The following HYCC1 variants were observed in gnomAD, a reference collection of about 807,000 sequenced individuals.
HYCC1 encodes hyccin.
chr7:22,949,844 C>T, the HYCC1 span, among the ~76,000 whole-genome samples: 13 of 151,962 alleles, frequency 8.6e-5, no homozygotes, highest in African/African-American at 2.9e-4. Flanking sequence ...ATGTGTTTTC[C>T]CACAAGCATA....
At chr7:22,957,329 G>A in the HYCC1 span, among the ~76,000 whole-genome samples, 2 of 148,426 alleles carry the variant, frequency 1.3e-5, no homozygotes, top group Non-Finnish European at 3.0e-5. Context: ...AAAAAGGAAA[G>A]TTTTACTTGG....
At chr7:22,995,858 G>A in the HYCC1 span, among the ~76,000 whole-genome samples, 43 of 152,076 alleles carry the variant, frequency 2.8e-4, no homozygotes, top group Non-Finnish European at 3.5e-4. Flanking sequence ...TGGTGAAACC[G>A]GGCAAGCACT....
the HYCC1 span, among the ~76,000 whole-genome samples, chr7:22,983,485 T>C: frequency 6.6e-6 from 1 of 152,196 alleles, no homozygotes; most frequent in Admixed American, 6.5e-5. Flanking sequence ...CCCCACTGCA[T>C]GGAATATTCT....
chr7:22,914,273 C>A, the HYCC1 span, among the ~76,000 whole-genome samples: 1 of 152,196 alleles, frequency 6.6e-6, no homozygotes, highest in South Asian at 2.1e-4. Flanking sequence ...CGGGGACGCC[C>A]GCTTTGGCTG....
At chr7:22,968,911 AG>A in the HYCC1 span, among the ~76,000 whole-genome samples, 2 of 152,036 alleles carry the variant, frequency 1.3e-5, no homozygotes, top group Admixed American at 1.3e-4. Flanking sequence ...GCTTGAACCC[AG>A]GAGGCGGAGG....
At chr7:22,909,566 G>A in the HYCC1 span, among the ~76,000 whole-genome samples, 1 of 152,104 alleles carries the variant, frequency 6.6e-6, no homozygotes, top group Non-Finnish European at 1.5e-5. Flanking sequence ...AACCATAAGC[G>A]TGACTGCTTC....
the HYCC1 span, among the ~76,000 whole-genome samples, chr7:22,932,492 TC>T: frequency 1.3e-5 from 2 of 152,168 alleles, no homozygotes; most frequent in Non-Finnish European, 2.9e-5. Context: ...TGGAAATATC[TC>T]TCTTATGTTT....
At chr7:22,945,784 G>C in the HYCC1 span, 1 of 1,613,728 alleles carries the variant, frequency 6.2e-7, no homozygotes, top group Non-Finnish European at 8.5e-7. Context: ...TGACACCACT[G>C]ACTTGTTCAA....
the HYCC1 span, among the ~76,000 whole-genome samples, chr7:22,895,877 T>G: frequency 6.6e-6 from 1 of 152,226 alleles, no homozygotes; most frequent in Non-Finnish European, 1.5e-5. Flanking sequence ...ATGATTTCCT[T>G]ATGTTGTACA....
chr7:22,906,033 CAT>C, the HYCC1 span, among the ~76,000 whole-genome samples: 1 of 152,104 alleles, frequency 6.6e-6, no homozygotes, highest in Non-Finnish European at 1.5e-5. Context: ...GTAAGACTAT[CAT>C]ACAGTGCCAT....
the HYCC1 span, among the ~76,000 whole-genome samples, chr7:22,979,006 C>G: frequency 6.6e-6 from 1 of 152,078 alleles, no homozygotes; most frequent in Admixed American, 6.6e-5. Context: ...AAAGCATATA[C>G]AATGATTGCA....
the HYCC1 span, among the ~76,000 whole-genome samples, chr7:22,898,377 C>T: frequency 0.013 from 1,900 of 151,632 alleles, 10 homozygotes; most frequent in Non-Finnish European, 0.021. Flanking sequence ...CCACACCCAG[C>T]TAATTTTTGT....
At chr7:22,941,789 A>G in the HYCC1 span, 3 of 152,186 alleles carry the variant, frequency 2.0e-5, no homozygotes, top group Non-Finnish European at 4.4e-5. Context: ...ACTGAGTATA[A>G]TTTTACTAAG....
the HYCC1 span, among the ~76,000 whole-genome samples, chr7:22,910,427 A>G: frequency 2.0e-5 from 3 of 152,220 alleles, no homozygotes; most frequent in African/African-American, 7.2e-5. Context: ...GCAAATGTGG[A>G]TGCCATGCTT....
At chr7:22,996,292 C>CA in the HYCC1 span, among the ~76,000 whole-genome samples, 625 of 55,150 alleles carry the variant, frequency 0.011, no homozygotes, top group East Asian at 0.021. Context: ...GACTCCGTCT[C>CA]AAAAAAAAAA....
At chr7:23,003,012 A>T in the HYCC1 span, among the ~76,000 whole-genome samples, 4 of 152,164 alleles carry the variant, frequency 2.6e-5, no homozygotes, top group African/African-American at 9.7e-5. Context: ...GACACCAATC[A>T]TACTGAATTA....
the HYCC1 span, among the ~76,000 whole-genome samples, chr7:22,958,514 T>C: frequency 6.6e-6 from 1 of 152,120 alleles, no homozygotes; most frequent in Non-Finnish European, 1.5e-5. Flanking sequence ...GAATGCTACT[T>C]TAATGAGGGT....
At chr7:22,946,437 T>G in the HYCC1 span, among the ~76,000 whole-genome samples, 3 of 152,062 alleles carry the variant, frequency 2.0e-5, no homozygotes, top group African/African-American at 7.2e-5. Flanking sequence ...AATTCTCCTA[T>G]TCATGCAAAA....
chr7:22,971,418 A>G, the HYCC1 span, among the ~76,000 whole-genome samples: 82,360 of 150,084 alleles, frequency 0.55, 23,171 homozygotes, highest in Non-Finnish European at 0.61. Flanking sequence ...GGTGGCTCAC[A>G]TCTGTAAACA....
Sources: allele counts gnomAD v4.1 joint callset (sites outside exome capture counted in the v4.1 genomes callset), GRCh38; gene constraint gnomAD v4.1.1; transcripts MANE v1.5; gene names NCBI Gene and HGNC (gene_info 2026-07-23, HGNC 2026-07-21).